The following ITGBL1 variants were observed in gnomAD, a reference collection of about 807,000 sequenced individuals.
The protein encoded by ITGBL1 is integrin beta-like protein 1.
ITGBL1 carries 51 observed loss-of-function variants against 68.5 expected under a neutral mutation model. The ratio of observed to expected loss-of-function variants is 0.74; its 90% CI spans 0.59 to 0.94. The LOEUF is 0.94. Ranked by LOEUF, ITGBL1 falls within the 40% of genes least tolerant of loss-of-function variation. The probability of loss-of-function intolerance (pLI) is 0.00; values close to 1 mark genes in which losing one functional copy is unlikely to be tolerated. For synonymous variants in ITGBL1, 209 were observed against 227.3 expected, an observed-to-expected ratio of 0.92 and a Z score of 0.72; for missense variants, 649 against 647.4, an observed-to-expected ratio of 1.00 and a Z score of -0.03.
intron 2 of ITGBL1, among the ~76,000 whole-genome samples, chr13:101,564,362 G>T (rs923114036): frequency 1.3e-5 from 2 of 151,740 alleles, no homozygotes; most frequent in African/African-American, 2.4e-5. Flanking sequence ...TGATAAATTG[G>T]ATTTAATTAA....
intron 2 of ITGBL1, among the ~76,000 whole-genome samples, chr13:101,514,672 A>G (rs1045144025): frequency 3.3e-5 from 5 of 152,106 alleles, no homozygotes; most frequent in South Asian, 2.1e-4. Context: ...CATCACATCT[A>G]TTTATTGTCT....
rs753390115 is a variant in ITGBL1, at chr13:101,706,843, C to T, written c.1220C>T (p.Thr407Met). Residue 407 changes from threonine to methionine, a missense_variant, in exon 9 of 11, where the codon ACG becomes ATG. Coordinates refer to ENST00000376180, the MANE Select transcript of ITGBL1 (RefSeq NM_004791.3). ...CAACATCCGCGGAAGTGTAACATGA[C>T]GGAAGAACAAAGCAAGAATCTGTGT... The part of the protein sequence containing the change: ...LCQHPRKCNM[T>M]EEQSKNLCES... 4.2e-5 allele frequency: 68 copies of T among 1,614,088 alleles called. No individual in the cohort carries two copies. The highest frequency in any genetic ancestry group is 2.0e-4 in the African/African-American group (15 of 75,012).
At chr13:101,718,212 C>T (rs991894296), downstream of ITGBL1, 3 of 151,998 alleles carry the variant, frequency 2.0e-5, no homozygotes, top group African/African-American at 4.8e-5. Flanking sequence ...TTTCTGTCCA[C>T]TATGTTTGTG....
At chr13:101,511,176 T>C (rs1241856883) in intron 2 of ITGBL1, among the ~76,000 whole-genome samples, 1 of 152,128 alleles carries the variant, frequency 6.6e-6, no homozygotes, top group Non-Finnish European at 1.5e-5. Context: ...TTTCTTAGAA[T>C]AATCATTCTC....
At chr13:101,565,087 G>A (rs900173218) in intron 2 of ITGBL1, among the ~76,000 whole-genome samples, 1 of 151,990 alleles carries the variant, frequency 6.6e-6, no homozygotes, top group Non-Finnish European at 1.5e-5. Flanking sequence ...ATCACTGTGA[G>A]AGAATAAATT....
At chr13:101,525,446 C>T (rs1372967165) in intron 2 of ITGBL1, among the ~76,000 whole-genome samples, 1 of 140,396 alleles carries the variant, frequency 7.1e-6, no homozygotes, top group East Asian at 2.1e-4. Context: ...AGAATTGACT[C>T]AGAGCTACAT....
intron 9 of ITGBL1, chr13:101,710,831 T>C (rs967929663): frequency 1.4e-4 from 22 of 152,170 alleles, no homozygotes; most frequent in African/African-American, 5.1e-4. Context: ...GTTTTATTTC[T>C]TTACAAATTT....
At chr13:101,560,835 G>C (rs4112526) in intron 2 of ITGBL1, among the ~76,000 whole-genome samples, 1 of 152,148 alleles carries the variant, frequency 6.6e-6, no homozygotes, top group African/African-American at 2.4e-5. Context: ...TAGCATCACA[G>C]GTTTTGGGGA....
chr13:101,485,083 G>GA (rs923352521), intron 2 of ITGBL1, among the ~76,000 whole-genome samples: 1 of 152,082 alleles, frequency 6.6e-6, no homozygotes, highest in Non-Finnish European at 1.5e-5. Flanking sequence ...AAGGATTGAA[G>GA]AAAAAATGTA....
chr13:101,653,110 AAAAG>A (rs925498023), intron 7 of ITGBL1, among the ~76,000 whole-genome samples: 8 of 151,548 alleles, frequency 5.3e-5, no homozygotes, highest in African/African-American at 1.9e-4. Flanking sequence ...CAAAGAAAGA[AAAAG>A]AAGGAAGGAA....
At chr13:101,578,399 A>G (rs2050399358) in intron 4 of ITGBL1, among the ~76,000 whole-genome samples, 1 of 152,222 alleles carries the variant, frequency 6.6e-6, no homozygotes, top group Admixed American at 6.5e-5. Context: ...ACTAAAAACA[A>G]AACAAGAACA....
At chr13:101,714,382 G>A (rs2034620153) in intron 9 of ITGBL1, 56 bp from the exon 10 acceptor site, 8 of 991,436 alleles carry the variant, frequency 8.1e-6, no homozygotes, top group South Asian at 1.3e-5. Flanking sequence ...TATTCTATTC[G>A]AGATGGAAAC....
At chr13:101,495,656 A>G (rs551477909) in intron 2 of ITGBL1, among the ~76,000 whole-genome samples, 3 of 152,054 alleles carry the variant, frequency 2.0e-5, no homozygotes, top group Non-Finnish European at 4.4e-5. Flanking sequence ...TACACTTCCA[A>G]TCAGTCTATA....
At chr13:101,563,481 A>G (rs897665701) in intron 2 of ITGBL1, among the ~76,000 whole-genome samples, 3 of 151,826 alleles carry the variant, frequency 2.0e-5, no homozygotes, top group African/African-American at 7.2e-5. Context: ...ATCCAACACT[A>G]TGCATGTTAA....
intron 7 of ITGBL1, among the ~76,000 whole-genome samples, chr13:101,678,366 G>A (rs2033555925): frequency 6.6e-6 from 1 of 152,158 alleles, no homozygotes; most frequent in Admixed American, 6.5e-5. Flanking sequence ...GTGAAGGAAA[G>A]TATATTATGT....
intron 2 of ITGBL1, among the ~76,000 whole-genome samples, chr13:101,501,905 T>G (rs926238051): frequency 1.3e-5 from 2 of 152,200 alleles, no homozygotes; most frequent in African/African-American, 2.4e-5. Context: ...TGGGAATCCT[T>G]TATCACAAAG....
intron 7 of ITGBL1, among the ~76,000 whole-genome samples, chr13:101,602,585 GAT>G (rs1206556808): frequency 6.6e-6 from 1 of 151,800 alleles, no homozygotes; most frequent in African/African-American, 2.4e-5. Context: ...TGTTAATAGA[GAT>G]ATAATTCACA....
intron 7 of ITGBL1, among the ~76,000 whole-genome samples, chr13:101,674,048 C>T (rs2033440632): frequency 6.6e-6 from 1 of 152,204 alleles, no homozygotes; most frequent in African/African-American, 2.4e-5. Flanking sequence ...AATGAAGTCA[C>T]TTGTGTCAGA....
chr13:101,553,308 A>C (rs2049951159), intron 2 of ITGBL1, among the ~76,000 whole-genome samples: 1 of 152,156 alleles, frequency 6.6e-6, no homozygotes, highest in Non-Finnish European at 1.5e-5. Context: ...TGTCAGGTAC[A>C]ATATTCAGAT....
Sources: allele counts gnomAD v4.1 joint callset (sites outside exome capture counted in the v4.1 genomes callset), GRCh38; gene constraint gnomAD v4.1.1; transcripts MANE v1.5; gene names NCBI Gene and HGNC (gene_info 2026-07-23, HGNC 2026-07-21).